Variants in SH3GL2 observed in about 807,000 individuals in gnomAD.
The protein encoded by SH3GL2 is endophilin-A1.
Under a neutral mutation model 46.0 loss-of-function variants are expected in SH3GL2, and 24 were observed. The ratio of observed to expected loss-of-function variants is 0.52; its 90% CI spans 0.38 to 0.73. The LOEUF (loss-of-function observed/expected upper bound fraction) is 0.73. Among genes scored for constraint, SH3GL2 ranks in the 30% least tolerant of loss-of-function variants. The probability of loss-of-function intolerance (pLI) is 0.00; values close to 1 mark genes in which losing one functional copy is unlikely to be tolerated. For synonymous variants in SH3GL2, 196 were observed against 147.1 expected, an observed-to-expected ratio of 1.33 and a Z score of -2.40; for missense variants, 413 against 424.2, an observed-to-expected ratio of 0.97 and a Z score of 0.23.
chr9:17,644,593 T>G (rs967071213), intron 1 of SH3GL2, among the ~76,000 whole-genome samples: 2 of 152,216 alleles, frequency 1.3e-5, no homozygotes, highest in African/African-American at 4.8e-5. Flanking sequence ...TTGTAGTCAT[T>G]CAGGAGCAGG....
chr9:17,601,472 C>T (rs187762211), intron 1 of SH3GL2, among the ~76,000 whole-genome samples: 1 of 152,268 alleles, frequency 6.6e-6, no homozygotes, highest in East Asian at 1.9e-4. Flanking sequence ...CGTGCCTCTG[C>T]AGTTTGGTTC....
At chr9:17,746,982 C>G in intron 1 of SH3GL2, 84 bp from the exon 2 acceptor site, 2 of 863,794 alleles carry the variant, frequency 2.3e-6, no homozygotes, top group Non-Finnish European at 1.9e-6. Context: ...CATTAGATGA[C>G]ATTTGTGAAA....
At chr9:17,623,705 TAC>T (rs10660392) in intron 1 of SH3GL2, among the ~76,000 whole-genome samples, 95,101 of 147,654 alleles carry the variant, frequency 0.64, 30,674 homozygotes, top group Non-Finnish European at 0.7. Flanking sequence ...TATAATTTCC[TAC>T]ACACACACAC....
At chr9:17,593,216 G>C (rs1378728735) in intron 1 of SH3GL2, among the ~76,000 whole-genome samples, 6 of 152,196 alleles carry the variant, frequency 3.9e-5, no homozygotes, top group Non-Finnish European at 7.3e-5. Context: ...TGGCAAATTA[G>C]TTGAATCACA....
rs1296645419 is a variant in SH3GL2 at position 17,795,600 on chromosome 9, G to T, written c.916G>T (p.Glu306Ter). ...TCTGTACGACTTTGAACCTGAAAAT[G>T]AAGGGGAGTTGGGATTTAAAGAGGG... ...RALYDFEPEN[E>*]GELGFKEGDI... The change falls in exon 9 of 9, where the codon GAA becomes TAA. Residue 306 changes from glutamate to a stop codon, truncating the protein, a stop_gained. Transcript: ENST00000380607. LOFTEE classifies it high-confidence loss of function. 1 of 1,613,962 alleles carries T rather than the reference G, an allele frequency of 6.2e-7. No homozygotes were observed. The highest frequency in any genetic ancestry group is 8.5e-7 in the Non-Finnish European group (1 of 1,179,970).
intron 1 of SH3GL2, among the ~76,000 whole-genome samples, chr9:17,684,662 A>G (rs976027652): frequency 2.6e-5 from 4 of 152,170 alleles, no homozygotes; most frequent in Admixed American, 2.0e-4. Context: ...ATACAGTCAG[A>G]CATATTGTAT....
rs372352626 is a variant in SH3GL2, at chr9:17,787,521, C to T, written c.465+8C>T. 24 of 1,609,572 alleles carry T rather than the reference C, an allele frequency of 1.5e-5. No homozygotes were observed. The highest frequency in any genetic ancestry group is 1.6e-4 in the Middle Eastern group (1 of 6,062). On this transcript the variant is annotated splice_region_variant and intron_variant, in intron 5 of 8. Transcript: ENST00000380607. ...GATCTTAGGGAAATTCAAGTATGTACAATGAGTCTTCTGGAAAGTGGGCAG... is the reference window on the plus strand; with the variant it reads ...GATCTTAGGGAAATTCAAGTATGTATAATGAGTCTTCTGGAAAGTGGGCAG...
chr9:17,785,925 C>G (rs73645331), intron 3 of SH3GL2, among the ~76,000 whole-genome samples: 3 of 152,128 alleles, frequency 2.0e-5, no homozygotes, highest in Admixed American at 1.3e-4. Flanking sequence ...GCCCACTCTG[C>G]AGGAATTTAC....
At chr9:17,661,684 A>G (rs1267717386) in intron 1 of SH3GL2, among the ~76,000 whole-genome samples, 6 of 152,328 alleles carry the variant, frequency 3.9e-5, no homozygotes, top group Middle Eastern at 6.8e-3. Flanking sequence ...GTATTGATGT[A>G]ATCTTTTTTT....
chr9:17,666,454 T>C (rs977760482), intron 1 of SH3GL2, among the ~76,000 whole-genome samples: 1 of 151,972 alleles, frequency 6.6e-6, no homozygotes, highest in Non-Finnish European at 1.5e-5. Flanking sequence ...ACTGGTATCA[T>C]TAGTTTTTGG....
At chr9:17,749,557 A>G (rs1379036463) in intron 2 of SH3GL2, among the ~76,000 whole-genome samples, 1 of 152,224 alleles carries the variant, frequency 6.6e-6, no homozygotes, top group South Asian at 2.1e-4. Flanking sequence ...ACCAGGAATC[A>G]GAATTTGACA....
chr9:17,641,902 C>T (rs925790844), intron 1 of SH3GL2, among the ~76,000 whole-genome samples: 5 of 152,156 alleles, frequency 3.3e-5, no homozygotes, highest in African/African-American at 4.8e-5. Context: ...AATAAACATA[C>T]GTGTGCATGT....
chr9:17,785,528 A>G (rs988982168), intron 3 of SH3GL2, among the ~76,000 whole-genome samples: 1 of 152,196 alleles, frequency 6.6e-6, no homozygotes, highest in African/African-American at 2.4e-5. Flanking sequence ...TGGGGTTTCC[A>G]TTGAAGATGG....
At chr9:17,674,059 G>A (rs10756896) in intron 1 of SH3GL2, among the ~76,000 whole-genome samples, 57,116 of 151,562 alleles carry the variant, frequency 0.38, 11,572 homozygotes, top group East Asian at 0.55. Flanking sequence ...GAATTGATCT[G>A]AGCACTTCCT....
At chr9:17,674,871 C>G (rs750743284) in intron 1 of SH3GL2, among the ~76,000 whole-genome samples, 1 of 152,046 alleles carries the variant, frequency 6.6e-6, no homozygotes, top group African/African-American at 2.4e-5. Context: ...GGCCCAGGCC[C>G]GGGAAGTGTA....
intron 1 of SH3GL2, among the ~76,000 whole-genome samples, chr9:17,701,438 G>A (rs529769574): frequency 5.3e-5 from 8 of 152,102 alleles, no homozygotes; most frequent in Non-Finnish European, 1.0e-4. Flanking sequence ...TGAGTATATC[G>A]TGTATCATTT....
intron 2 of SH3GL2, chr9:17,755,741 C>T (rs1210694833): frequency 2.0e-6 from 2 of 980,426 alleles, no homozygotes; most frequent in Non-Finnish European, 2.4e-6. Context: ...TCATATCTTT[C>T]AGTCCTTTTG....
In SH3GL2 at chr9:17,780,469, GT is replaced by G. The variant is rs201979727; in HGVS notation, c.188-5901del. The stretch of plus-strand genomic sequence containing the variant: ...TTTTCTAGATATTTTGAATAGCACA[GT>G]TTTTTTTTTTAATTTTTTTTTTATT... On this transcript the variant is annotated intron_variant, in intron 3 of 8. Transcript: ENST00000380607. Among the ~76,000 whole-genome samples the G allele has an allele frequency of 7.3e-3, 1,074 of 146,928 alleles. 2 individuals carry two copies. The highest frequency in any genetic ancestry group is 0.011 in the Non-Finnish European group (718 of 66,798).
At chr9:17,708,721 C>CG in intron 1 of SH3GL2, among the ~76,000 whole-genome samples, 1 of 151,916 alleles carries the variant, frequency 6.6e-6, no homozygotes, top group Non-Finnish European at 1.5e-5. Flanking sequence ...CAGTCCACTT[C>CG]TGAGATTAGT....
Sources: allele counts gnomAD v4.1 joint callset (sites outside exome capture counted in the v4.1 genomes callset), GRCh38; gene constraint gnomAD v4.1.1; transcripts MANE v1.5; gene names NCBI Gene and HGNC (gene_info 2026-07-23, HGNC 2026-07-21).